HPR: variants seen among roughly 807,000 people sequenced by gnomAD.
HPR encodes Haptoglobin-related locus.
A neutral mutation model predicts 18.5 loss-of-function variants in HPR; 17 were observed. The ratio of observed to expected loss-of-function variants is 0.92; its 90% CI spans 0.63 to 1.38. The LOEUF is 1.38. HPR is among the 40% of genes most tolerant of loss of function. The probability of loss-of-function intolerance (pLI) is 0.00; values close to 1 mark genes in which losing one functional copy is unlikely to be tolerated. For missense variants in HPR, 457 were observed against 432.4 expected (o/e 1.06, Z -0.51); for synonymous variants, 176 against 165.0 (o/e 1.07, Z -0.51).
Position 72,077,130 on chromosome 16 carries a change from A to C in HPR, c.*49A>C. ...GCCTGAAAGCAAGATTTCAGCCTGG[A>C]AGAGGGCAAAGTGGACGGGAGTGGA... is the stretch of plus-strand genomic sequence containing the variant. On this transcript the variant is annotated 3_prime_UTR_variant, in exon 5 of 5. Coordinates refer to ENST00000540303, the MANE Select transcript of HPR (RefSeq NM_020995.4). 6.4e-7 allele frequency: 1 copy of C among 1,562,990 alleles called. No individual in the cohort carries two copies. Among genetic ancestry groups the C allele is most frequent in the Non-Finnish European group, 8.7e-7 (1 of 1,149,868 alleles).
rs923860404 is a variant in HPR, at chr16:72,076,224, C to T, written c.269-79C>T. Reference sequence around the variant, plus strand: ...TTCCAGTTTATGCAGCAGTGACAGCCGCCAATGCTTTCACCCCTTTCTCAG... The same window carrying T: ...TTCCAGTTTATGCAGCAGTGACAGCTGCCAATGCTTTCACCCCTTTCTCAG... On this transcript the variant is annotated intron_variant, in intron 4 of 4. Transcript: ENST00000540303. The T allele has an allele frequency of 1.2e-4, 189 of 1,590,980 alleles. 1 individual carries two copies. Among genetic ancestry groups the T allele is most frequent in the Middle Eastern group, 2.1e-4 (1 of 4,664 alleles).
At chr16:72,075,856 A>G (rs543878451) in intron 4 of HPR, among the ~76,000 whole-genome samples, 13 of 143,100 alleles carry the variant, frequency 9.1e-5, no homozygotes, top group African/African-American at 3.3e-4. Flanking sequence ...TTTGAGACAG[A>G]GTTTTGCTCT....
chr16:72,066,881 C>A (rs7201643), intron 1 of HPR, among the ~76,000 whole-genome samples: 81,561 of 151,712 alleles, frequency 0.54, 22,291 homozygotes, highest in South Asian at 0.64. Context: ...GCTCCAAACC[C>A]ATATGCTACT....
In HPR at chr16:72,076,761, C is replaced by A; in HGVS notation, c.727C>A (p.Leu243Met). The A allele has an allele frequency of 6.2e-7, 1 of 1,614,224 alleles. No individual in the cohort carries two copies. The highest frequency in any genetic ancestry group is 2.2e-5 in the East Asian group (1 of 44,890). Residue 243 changes from leucine (L) to methionine (M), a missense_variant, in exon 5 of 5, where the codon CTG becomes ATG. Transcript: ENST00000540303. The part of the protein sequence containing the change: ...KLTDHLKYVM[L>M]PVADQYDCIT... ...TACTGACCATCTGAAGTATGTCATGCTGCCTGTGGCTGACCAATACGATTG... is the reference window on the plus strand; with the variant it reads ...TACTGACCATCTGAAGTATGTCATGATGCCTGTGGCTGACCAATACGATTG...
intron 1 of HPR, among the ~76,000 whole-genome samples, chr16:72,070,404 G>A (rs2041641954): frequency 6.6e-6 from 1 of 152,192 alleles, no homozygotes; most frequent in Non-Finnish European, 1.5e-5. Flanking sequence ...TGGAGACCAT[G>A]TCCTCATAAA....
intron 3 of HPR, chr16:72,074,770 T>C: frequency 2.9e-6 from 2 of 688,490 alleles, no homozygotes; most frequent in Non-Finnish European, 5.3e-6. Context: ...CCTTACAGTT[T>C]CCCACTGAAT....
intron 1 of HPR, among the ~76,000 whole-genome samples, chr16:72,071,447 T>C (rs151058665): frequency 6.6e-6 from 1 of 152,304 alleles, no homozygotes; most frequent in East Asian, 1.9e-4. Context: ...TCTTCCAAGA[T>C]CACACAGCCT....
At chr16:72,064,764 C>G (rs2144059132) in intron 1 of HPR, among the ~76,000 whole-genome samples, 1 of 152,314 alleles carries the variant, frequency 6.6e-6, no homozygotes, top group South Asian at 2.1e-4. Flanking sequence ...CAGCACCGAG[C>G]ATTTGTTTCC....
At chr16:72,069,403 C>T (rs1274527183) in intron 1 of HPR, among the ~76,000 whole-genome samples, 1 of 152,218 alleles carries the variant, frequency 6.6e-6, no homozygotes, top group East Asian at 1.9e-4. Flanking sequence ...AAACAAGCTG[C>T]TGTTTCCTCC....
At position 72,076,488 on chromosome 16, in the gene HPR, G is replaced by A. The variant is rs2041725870; in HGVS notation, c.454G>A (p.Glu152Lys). Residue 152 changes from glutamate (E) to lysine (K), a missense_variant, in exon 5 of 5, where the codon GAA (glutamate) becomes AAA (lysine). Glu to Lys is a moderately conservative substitution (Grantham distance 56). Transcript: ENST00000540303. ...TAAAAATCTCTTCCTGAACCATTCAGAAAATGCAACAGCGAAAGACATTGC... is the reference window on the plus strand; with the variant it reads ...TAAAAATCTCTTCCTGAACCATTCAAAAAATGCAACAGCGAAAGACATTGC... ...TAKNLFLNHS[E>K]NATAKDIAPT... 1 of 1,614,008 alleles carries A rather than the reference G, an allele frequency of 6.2e-7. No individual in the cohort carries two copies. Among genetic ancestry groups the A allele is most frequent in the African/African-American group, 1.3e-5 (1 of 74,940 alleles).
At chr16:72,068,168 T>C (rs2041617486) in intron 1 of HPR, among the ~76,000 whole-genome samples, 1 of 152,188 alleles carries the variant, frequency 6.6e-6, no homozygotes, top group Non-Finnish European at 1.5e-5. Flanking sequence ...CTGGTGAGGA[T>C]ATAGAGAAAG....
chr16:72,075,919 A>G (rs1419933671), intron 4 of HPR, among the ~76,000 whole-genome samples: 1 of 151,334 alleles, frequency 6.6e-6, no homozygotes, highest in African/African-American at 2.4e-5. Flanking sequence ...AGGTGATCCA[A>G]CTGCCTCAGC....
intron 1 of HPR, among the ~76,000 whole-genome samples, chr16:72,066,553 A>T: frequency 6.6e-6 from 1 of 152,168 alleles, no homozygotes. Flanking sequence ...CATACCCAGA[A>T]CTCAAAAGCT....
chr16:72,075,455 T>C (rs583433), intron 4 of HPR, among the ~76,000 whole-genome samples: 167 of 152,328 alleles, frequency 1.1e-3, no homozygotes, highest in Middle Eastern at 6.8e-3. Flanking sequence ...ACTGTCGGCA[T>C]TGCCCACAGA....
intron 1 of HPR, among the ~76,000 whole-genome samples, chr16:72,066,679 C>A (rs1344778028): frequency 2.0e-5 from 3 of 152,110 alleles, no homozygotes; most frequent in Non-Finnish European, 4.4e-5. Flanking sequence ...TCCCCTTGGG[C>A]AAAGGATGTT....
intron 1 of HPR, among the ~76,000 whole-genome samples, chr16:72,073,609 G>A (rs1378280198): frequency 1.3e-5 from 2 of 152,146 alleles, no homozygotes; most frequent in Non-Finnish European, 2.9e-5. Context: ...ATCCCTCTCT[G>A]AAGCTTCTGC....
At chr16:72,074,763 T>G in intron 3 of HPR, 1 of 693,358 alleles carries the variant, frequency 1.4e-6, no homozygotes, top group East Asian at 2.7e-5. Context: ...ACTTAGTCCT[T>G]ACAGTTTCCC....
In HPR at chr16:72,076,748, G is replaced by T. The variant is rs757259998; in HGVS notation, c.714G>T (p.Leu238=). 6.2e-7 allele frequency: 1 copy of T among 1,614,224 alleles called. No homozygotes were observed. Among genetic ancestry groups the T allele is most frequent in the Non-Finnish European group, 8.5e-7 (1 of 1,180,046 alleles). The change falls in exon 5 of 5, where the codon CTG becomes CTT. Residue 238 remains leucine (L), a synonymous_variant. Coordinates refer to ENST00000540303, the MANE Select transcript of HPR (RefSeq NM_020995.4). ...ACAACTTTAAACTTACTGACCATCT[G>T]AAGTATGTCATGCTGCCTGTGGCTG... ...QSDNFKLTDH[L]KYVMLPVADQ...
chr16:72,067,693 C>G (rs1447139785), intron 1 of HPR, among the ~76,000 whole-genome samples: 1 of 152,176 alleles, frequency 6.6e-6, no homozygotes. Context: ...AGAGGGCATG[C>G]TAGGGCTAAA....
Sources: gnomAD v4.1 joint callset for allele counts (sites outside exome capture counted in the v4.1 genomes callset) on GRCh38, gnomAD v4.1.1 for gene constraint, MANE v1.5 for transcripts, NCBI Gene and HGNC (gene_info 2026-07-23, HGNC 2026-07-21) for gene names.